Variants in HS6ST3 observed in about 807,000 individuals in gnomAD.
The protein encoded by HS6ST3 is heparan sulfate 6-O-sulfotransferase 3, also known as heparan-sulfate 6-O-sulfotransferase 3.
In HS6ST3, 12 loss-of-function variants were observed where a neutral mutation model predicts 36.7. The ratio of observed to expected loss-of-function variants is 0.33; its 90% CI spans 0.21 to 0.53. The LOEUF (loss-of-function observed/expected upper bound fraction) is 0.53, where lower values mean the gene tolerates loss of function less well. Ranked by LOEUF, HS6ST3 falls within the 20% of genes least tolerant of loss-of-function variation. The probability of loss-of-function intolerance (pLI) is 0.95; values close to 1 mark genes in which losing one functional copy is unlikely to be tolerated. For synonymous variants in HS6ST3, 240 were observed against 257.5 expected (o/e 0.93, Z 0.65); for missense variants, 584 against 640.9 (o/e 0.91, Z 0.96).
chr13:96,776,498 G>C (rs1213336500), intron 1 of HS6ST3, among the ~76,000 whole-genome samples: 1 of 152,100 alleles, frequency 6.6e-6, no homozygotes, highest in East Asian at 1.9e-4. Flanking sequence ...AATAAAAAAT[G>C]ATAAAGGGGA....
chr13:96,236,954 G>A (rs751975273), intron 1 of HS6ST3, among the ~76,000 whole-genome samples: 1 of 152,182 alleles, frequency 6.6e-6, no homozygotes, highest in Non-Finnish European at 1.5e-5. Flanking sequence ...AGTTCCATGT[G>A]GCTGGGGAGG....
intron 1 of HS6ST3, among the ~76,000 whole-genome samples, chr13:96,144,657 A>G (rs2054047768): frequency 6.6e-6 from 1 of 151,732 alleles, no homozygotes; most frequent in Admixed American, 6.6e-5. Flanking sequence ...TATTATTATT[A>G]TACTTTAAGT....
intron 1 of HS6ST3, among the ~76,000 whole-genome samples, chr13:96,118,369 A>C (rs2053903802): frequency 6.6e-6 from 1 of 152,136 alleles, no homozygotes; most frequent in Admixed American, 6.6e-5. Context: ...AGGCTACAGC[A>C]TGAAACCAGT....
At chr13:96,100,825 A>G (rs1020042438) in intron 1 of HS6ST3, among the ~76,000 whole-genome samples, 2 of 152,236 alleles carry the variant, frequency 1.3e-5, no homozygotes, top group Non-Finnish European at 2.9e-5. Context: ...GAAAATGGAG[A>G]CTAACTTGCA....
At chr13:96,762,538 A>G (rs1446282141) in intron 1 of HS6ST3, among the ~76,000 whole-genome samples, 1 of 152,116 alleles carries the variant, frequency 6.6e-6, no homozygotes, top group Non-Finnish European at 1.5e-5. Flanking sequence ...AACTGTAAAC[A>G]TTTCCTACTG....
chr13:96,650,654 C>T (rs1275279478), intron 1 of HS6ST3, among the ~76,000 whole-genome samples: 2 of 151,994 alleles, frequency 1.3e-5, no homozygotes, highest in East Asian at 1.9e-4. Context: ...AAACTTAAAA[C>T]AGGCAGCAGG....
At chr13:96,500,269 T>A (rs1313543507) in intron 1 of HS6ST3, among the ~76,000 whole-genome samples, 3 of 152,216 alleles carry the variant, frequency 2.0e-5, no homozygotes, top group African/African-American at 7.2e-5. Flanking sequence ...ACTCCGTTTC[T>A]TTTTATTTCT....
At chr13:96,567,132 T>G (rs1566398947) in intron 1 of HS6ST3, among the ~76,000 whole-genome samples, 1 of 152,166 alleles carries the variant, frequency 6.6e-6, no homozygotes, top group Non-Finnish European at 1.5e-5. Flanking sequence ...TTTTACTGCT[T>G]CTTTTATCTT....
intron 1 of HS6ST3, among the ~76,000 whole-genome samples, chr13:96,227,939 C>A (rs2054488926): frequency 6.6e-6 from 1 of 152,072 alleles, no homozygotes; most frequent in Non-Finnish European, 1.5e-5. Flanking sequence ...CTTGTAATTT[C>A]TCTTTTTATC....
chr13:96,377,157 G>T (rs916979955), intron 1 of HS6ST3, among the ~76,000 whole-genome samples: 3 of 150,968 alleles, frequency 2.0e-5, no homozygotes, highest in Non-Finnish European at 2.9e-5. Flanking sequence ...TTGAGCCCAG[G>T]AGTTCAAGAC....
At chr13:96,824,467 A>G (rs1014610439) in intron 1 of HS6ST3, among the ~76,000 whole-genome samples, 2 of 152,200 alleles carry the variant, frequency 1.3e-5, no homozygotes, top group Non-Finnish European at 2.9e-5. Flanking sequence ...TTTGTTCTCA[A>G]GACTTGAATC....
chr13:96,269,457 G>A (rs529068201), intron 1 of HS6ST3, among the ~76,000 whole-genome samples: 5 of 152,028 alleles, frequency 3.3e-5, no homozygotes, highest in South Asian at 2.1e-4. Flanking sequence ...CTACAACTAA[G>A]CATCAATAGC....
chr13:96,256,333 G>A (rs922497991), intron 1 of HS6ST3, among the ~76,000 whole-genome samples: 16 of 152,256 alleles, frequency 1.1e-4, no homozygotes, highest in East Asian at 3.9e-4. Flanking sequence ...GGAACTACAC[G>A]TTCCATTTTA....
At chr13:96,702,991 C>A (rs898372561) in intron 1 of HS6ST3, among the ~76,000 whole-genome samples, 1 of 152,350 alleles carries the variant, frequency 6.6e-6, no homozygotes, top group African/African-American at 2.4e-5. Context: ...CTAGCCCATT[C>A]AACTACTCTA....
At chr13:96,415,511 G>T (rs1037369126) in intron 1 of HS6ST3, among the ~76,000 whole-genome samples, 4 of 152,228 alleles carry the variant, frequency 2.6e-5, no homozygotes, top group African/African-American at 9.7e-5. Flanking sequence ...TGTTTGTGCT[G>T]GTTCTGCTTA....
intron 1 of HS6ST3, among the ~76,000 whole-genome samples, chr13:96,487,132 G>A (rs2055919314): frequency 6.6e-6 from 1 of 152,000 alleles, no homozygotes; most frequent in South Asian, 2.1e-4. Context: ...CTGCAGTTGT[G>A]TTTTGTTTGT....
At chr13:96,485,914 G>A (rs1413957675) in intron 1 of HS6ST3, among the ~76,000 whole-genome samples, 1 of 151,942 alleles carries the variant, frequency 6.6e-6, no homozygotes, top group Non-Finnish European at 1.5e-5. Context: ...TGCACAACGT[G>A]CAGGTTAGTT....
chr13:96,290,155 TC>T (rs869118344), intron 1 of HS6ST3, among the ~76,000 whole-genome samples: 4 of 150,650 alleles, frequency 2.7e-5, no homozygotes, highest in Admixed American at 1.3e-4. Context: ...TCCTTAATGC[TC>T]CCCCTGATGC....
intron 1 of HS6ST3, among the ~76,000 whole-genome samples, chr13:96,706,449 A>C (rs1002639850): frequency 3.9e-4 from 56 of 144,600 alleles, no homozygotes; most frequent in African/African-American, 1.4e-3. Flanking sequence ...ATAATCAGGG[A>C]AAGTAGCGTT....
Sources: gnomAD v4.1 joint callset for allele counts (sites outside exome capture counted in the v4.1 genomes callset) on GRCh38, gnomAD v4.1.1 for gene constraint, MANE v1.5 for transcripts, NCBI Gene and HGNC (gene_info 2026-07-23, HGNC 2026-07-21) for gene names.